Variants in PSD3 observed in about 807,000 individuals in gnomAD.
PSD3 encodes pleckstrin and Sec7 domain containing 3.
Under a neutral mutation model 105.5 loss-of-function variants are expected in PSD3, and 49 were observed. The observed-to-expected ratio is 0.46, with a 90% CI of 0.37 to 0.59. The LOEUF (loss-of-function observed/expected upper bound fraction) is 0.59. Among genes scored for constraint, PSD3 ranks in the 20% least tolerant of loss-of-function variants. PSD3 has a pLI of 0.00. For missense variants in PSD3, 1,561 were observed against 1,263.8 expected (o/e 1.24, Z -3.57); for synonymous variants, 557 against 457.8 (o/e 1.22, Z -2.77).
intron 12 of PSD3, among the ~76,000 whole-genome samples, chr8:18,589,337 T>C (rs34846306): frequency 2.6e-5 from 4 of 152,120 alleles, no homozygotes; most frequent in Admixed American, 2.0e-4. Context: ...CTCAAAGTAA[T>C]GTGAGAATTT....
intron 9 of PSD3, among the ~76,000 whole-genome samples, chr8:18,752,512 TA>T (rs1805601011): frequency 3.6e-4 from 20 of 56,142 alleles, no homozygotes; most frequent in African/African-American, 2.2e-3. Context: ...ATATATATAA[TA>T]TATGTAATAT....
chr8:18,928,056 T>C (rs888648455), intron 2 of PSD3, among the ~76,000 whole-genome samples: 2 of 152,202 alleles, frequency 1.3e-5, no homozygotes, highest in African/African-American at 4.8e-5. Context: ...ACAGTTCTCC[T>C]AACAGCATTA....
chr8:18,670,366 G>A (rs946818240), intron 9 of PSD3, among the ~76,000 whole-genome samples: 1 of 152,200 alleles, frequency 6.6e-6, no homozygotes, highest in African/African-American at 2.4e-5. Flanking sequence ...GTGACCACTA[G>A]AGGATTTTAA....
In PSD3 at chr8:19,005,452, T is replaced by G. The variant is rs1422146174; in HGVS notation, c.21+8111A>C. The stretch of plus-strand genomic sequence containing the variant: ...GAGGGATAGGAGCAATGGGGAGAGG[T>G]GGCAACTCATGGGTCTGGAATTTTT... On this transcript the variant is annotated intron_variant, in intron 1 of 15. Coordinates refer to ENST00000327040, the MANE Select transcript of PSD3 (RefSeq NM_015310.4). Among the ~76,000 whole-genome samples, 6 of 151,800 alleles carry G rather than the reference T, an allele frequency of 4.0e-5. No homozygotes were observed. In the East Asian group the frequency reaches 1.2e-3, roughly 29 times the overall value.
intron 9 of PSD3, among the ~76,000 whole-genome samples, chr8:18,752,564 ATTATATATATAATT>A (rs1805643325): frequency 1.3e-5 from 1 of 79,952 alleles, no homozygotes; most frequent in African/African-American, 8.0e-5. Flanking sequence ...AATTATATAT[ATTATATATATAATT>A]ATATATATTA....
intron 8 of PSD3, among the ~76,000 whole-genome samples, chr8:18,777,051 T>G (rs776629557): frequency 6.6e-6 from 1 of 152,152 alleles, no homozygotes; most frequent in Admixed American, 6.5e-5. Context: ...ATTTTGCCTT[T>G]TGTTTTTTTG....
Position 18,744,330 on chromosome 8 carries a change from C to T in PSD3, c.2172+21119G>A, listed in dbSNP as rs117610558. ...TTTCCCCAAGGTCACAGAATTGGTGCTAAGTATCAGAGAATCCAGGCAGCA... is the reference window on the plus strand; with the variant it reads ...TTTCCCCAAGGTCACAGAATTGGTGTTAAGTATCAGAGAATCCAGGCAGCA... On this transcript the variant is annotated intron_variant, in intron 9 of 15. Transcript: ENST00000327040. Among the ~76,000 whole-genome samples, 35 of 152,242 alleles carry T rather than the reference C, an allele frequency of 2.3e-4. No homozygotes were observed. The East Asian group carries it at 6.6e-3, about 29-fold the overall frequency.
At chr8:18,681,446 CAAAAA>C (rs528679351) in intron 9 of PSD3, among the ~76,000 whole-genome samples, 2 of 62,266 alleles carry the variant, frequency 3.2e-5, no homozygotes, top group East Asian at 4.0e-4. Context: ...GTTTCTGTTT[CAAAAA>C]AAAAAAAAAA....
chr8:18,736,895 CTTTCCA>C (rs1026612430), intron 9 of PSD3, among the ~76,000 whole-genome samples: 1 of 152,180 alleles, frequency 6.6e-6, no homozygotes, highest in African/African-American at 2.4e-5. Flanking sequence ...AATGAGCATT[CTTTCCA>C]AATGAATGCT....
chr8:18,982,456 C>T (rs1825292053), intron 1 of PSD3, among the ~76,000 whole-genome samples: 1 of 152,168 alleles, frequency 6.6e-6, no homozygotes, highest in South Asian at 2.1e-4. Flanking sequence ...GAATTCTTTT[C>T]AGAAGGCTTT....
At chr8:18,870,439 A>G (rs3758141) in intron 3 of PSD3, among the ~76,000 whole-genome samples, 32,968 of 151,992 alleles carry the variant, frequency 0.22, 3,833 homozygotes, top group African/African-American at 0.3. Flanking sequence ...GTCAAGTTTC[A>G]ATCATAAAGG....
At chr8:18,647,018 C>G (rs567938720) in intron 10 of PSD3, among the ~76,000 whole-genome samples, 2 of 152,170 alleles carry the variant, frequency 1.3e-5, no homozygotes, top group Non-Finnish European at 2.9e-5. Flanking sequence ...CCTCTATCAT[C>G]CCCCAAGAAT....
intron 9 of PSD3, among the ~76,000 whole-genome samples, chr8:18,658,250 C>T (rs1809045780): frequency 1.3e-5 from 2 of 152,120 alleles, no homozygotes; most frequent in Admixed American, 1.3e-4. Flanking sequence ...AGTGCTTTAT[C>T]ACAATTATTA....
At chr8:18,788,075 A>C (rs917456977) in intron 8 of PSD3, among the ~76,000 whole-genome samples, 2 of 152,228 alleles carry the variant, frequency 1.3e-5, no homozygotes, top group Non-Finnish European at 2.9e-5. Flanking sequence ...AACAAGCCCC[A>C]GATGGATTTT....
intron 8 of PSD3, among the ~76,000 whole-genome samples, chr8:18,778,658 G>T (rs1158110002): frequency 3.3e-5 from 5 of 151,532 alleles, no homozygotes; most frequent in African/African-American, 1.2e-4. Flanking sequence ...TATTATGAAG[G>T]GATGTTGAAT....
chr8:18,550,024 C>T (rs900932387), intron 15 of PSD3, among the ~76,000 whole-genome samples: 2 of 152,182 alleles, frequency 1.3e-5, no homozygotes, highest in Admixed American at 6.5e-5. Flanking sequence ...CCAATCTAGT[C>T]CTTTTTCTAA....
At chr8:18,737,880 T>A (rs542343249) in intron 9 of PSD3, among the ~76,000 whole-genome samples, 2 of 152,294 alleles carry the variant, frequency 1.3e-5, no homozygotes, top group African/African-American at 4.8e-5. Context: ...TCCTATTGTT[T>A]TTGCAAGTAT....
Position 18,840,211 on chromosome 8 carries a change from C to T in PSD3, c.1634+27463G>A, listed in dbSNP as rs376321626. Among the ~76,000 whole-genome samples the T allele has an allele frequency of 7.7e-4, 117 of 152,270 alleles. 2 individuals are homozygous for T. The South Asian group carries it at 0.024, about 31-fold the overall frequency. On this transcript the variant is annotated intron_variant, in intron 4 of 15. Coordinates refer to ENST00000327040, the MANE Select transcript of PSD3 (RefSeq NM_015310.4). ...ACCACCCACCTGCAAATGTCCCCCC[C>T]ACATCATTCTCAGCAGCTAAGCCTC...
At chr8:18,838,609 G>C (rs762653174) in intron 4 of PSD3, among the ~76,000 whole-genome samples, 1 of 151,932 alleles carries the variant, frequency 6.6e-6, no homozygotes, top group African/African-American at 2.4e-5. Flanking sequence ...AGACCATCCT[G>C]GTTCACATGG....
Sources: gnomAD v4.1 joint callset for allele counts (sites outside exome capture counted in the v4.1 genomes callset) on GRCh38, gnomAD v4.1.1 for gene constraint, MANE v1.5 for transcripts, NCBI Gene and HGNC (gene_info 2026-07-23, HGNC 2026-07-21) for gene names.